Variants in RELCH observed in about 807,000 individuals in gnomAD.
The protein encoded by RELCH is RAB11 binding and LisH domain, coiled-coil and HEAT repeat containing, also known as RAB11-binding protein RELCH.
A neutral mutation model predicts 150.3 loss-of-function variants in RELCH; 41 were observed. The ratio of observed to expected loss-of-function variants is 0.27; its 90% CI spans 0.21 to 0.35. The LOEUF (loss-of-function observed/expected upper bound fraction) is 0.35. Among genes scored for constraint, RELCH ranks in the 10% least tolerant of loss-of-function variants. The pLI is 1.00. For synonymous variants in RELCH, 478 were observed against 531.8 expected (o/e 0.90, Z 1.39); for missense variants, 1,092 against 1,467.8 (o/e 0.74, Z 4.18).
intron 22 of RELCH, 85 bp from the exon 23 acceptor site, chr18:62,279,689 G>T: frequency 2.3e-6 from 2 of 852,846 alleles, no homozygotes; most frequent in Non-Finnish European, 3.7e-6. Flanking sequence ...TCTTTCTCTT[G>T]GTTGTTCCTT....
At chr18:62,200,964 CTTTTTTTT>C (rs543882947) in intron 1 of RELCH, among the ~76,000 whole-genome samples, 5 of 54,988 alleles carry the variant, frequency 9.1e-5, no homozygotes, top group Admixed American at 6.2e-4. Flanking sequence ...TTTTTCTTTG[CTTTTTTTT>C]TTTTTTTTTT....
intron 1 of RELCH, among the ~76,000 whole-genome samples, chr18:62,204,195 CT>C (rs2039636762): frequency 6.6e-6 from 1 of 151,538 alleles, no homozygotes; most frequent in Non-Finnish European, 1.5e-5. Context: ...ATTTATAGTA[CT>C]TTTTTAATAA....
chr18:62,293,549 A>T (rs2045260467), intron 27 of RELCH, among the ~76,000 whole-genome samples: 1 of 152,154 alleles, frequency 6.6e-6, no homozygotes, highest in South Asian at 2.1e-4. Context: ...TGTTCATCAC[A>T]TCTACAGAAT....
chr18:62,307,099 A>C lies in RELCH; in HGVS notation c.*1565A>C, dbSNP rs1055219098. 6.6e-5 allele frequency: 10 copies of C among 152,262 alleles called. No individual in the cohort carries two copies. Among genetic ancestry groups the C allele is most frequent in the African/African-American group, 2.4e-4 (10 of 41,464 alleles). 9.4% of individuals were successfully genotyped at this position (152,262 alleles called of 1,614,324 possible). A position where few individuals can be genotyped will look rare whatever the true frequency, so the allele number is the denominator to read the frequency against. On this transcript the variant is annotated 3_prime_UTR_variant, in exon 29 of 29. Transcript: ENST00000644646. ...CAAAAATGTTGATCTATTATAAATA[A>C]AATGTTTTTGCATATGTTTTTGATT... is the stretch of plus-strand genomic sequence containing the variant.
chr18:62,222,488 A>G (rs1236964846), intron 5 of RELCH, among the ~76,000 whole-genome samples: 1 of 151,920 alleles, frequency 6.6e-6, no homozygotes, highest in Non-Finnish European at 1.5e-5. Context: ...AGAACACAGA[A>G]AAAGAGGAAA....
intron 13 of RELCH, among the ~76,000 whole-genome samples, chr18:62,256,657 A>G (rs1482361067): frequency 3.9e-5 from 6 of 151,998 alleles, no homozygotes; most frequent in Non-Finnish European, 1.5e-5. Flanking sequence ...ATGTCTCTAC[A>G]TTGGCAGTTT....
chr18:62,243,197 A>G (rs1004982190), intron 10 of RELCH, among the ~76,000 whole-genome samples: 2 of 152,098 alleles, frequency 1.3e-5, no homozygotes, highest in Admixed American at 1.3e-4. Flanking sequence ...TATGGAATCA[A>G]CTAAGGATTA....
chr18:62,231,150 G>C, intron 8 of RELCH, 44 bp from the exon 9 acceptor site: 1 of 1,214,822 alleles, frequency 8.2e-7, no homozygotes, highest in Non-Finnish European at 1.2e-6. Context: ...AAATGTCAAT[G>C]GTAATTATTT....
intron 22 of RELCH, among the ~76,000 whole-genome samples, chr18:62,276,541 T>C (rs2044218612): frequency 6.6e-6 from 1 of 152,104 alleles, no homozygotes; most frequent in Non-Finnish European, 1.5e-5. Flanking sequence ...CCAATATTCA[T>C]GTGTTTCTTA....
At chr18:62,289,967 T>A (rs1325434712) in intron 26 of RELCH, among the ~76,000 whole-genome samples, 3 of 152,214 alleles carry the variant, frequency 2.0e-5, no homozygotes. Flanking sequence ...TATATTTTGG[T>A]GCCACTTATC....
intron 5 of RELCH, among the ~76,000 whole-genome samples, chr18:62,224,342 TTAA>T (rs142504395): frequency 0.086 from 13,148 of 152,176 alleles, 653 homozygotes; most frequent in Middle Eastern, 0.17. Context: ...AACATCATTC[TTAA>T]TGATGAAAGA....
intron 25 of RELCH, chr18:62,285,752 C>T (rs1461338016): frequency 1.3e-5 from 2 of 152,180 alleles, no homozygotes; most frequent in African/African-American, 2.4e-5. Context: ...AGCAACAGAG[C>T]AAGACCCCAT....
At chr18:62,252,416 G>A (rs1483201752) in intron 11 of RELCH, among the ~76,000 whole-genome samples, 1 of 152,072 alleles carries the variant, frequency 6.6e-6, no homozygotes, top group East Asian at 1.9e-4. Flanking sequence ...CTACTCGAGA[G>A]GATGAGGTGG....
chr18:62,304,125 G>A (rs546889177), intron 28 of RELCH, among the ~76,000 whole-genome samples: 7 of 152,310 alleles, frequency 4.6e-5, no homozygotes, highest in South Asian at 2.1e-4. Flanking sequence ...AAGTTAGGGC[G>A]TGAACAGAAG....
intron 1 of RELCH, among the ~76,000 whole-genome samples, chr18:62,207,497 C>T (rs1312636946): frequency 6.6e-6 from 1 of 152,086 alleles, no homozygotes; most frequent in African/African-American, 2.4e-5. Flanking sequence ...ATATACTGTC[C>T]TTTCTCTTTA....
chr18:62,261,776 GTAT>G, intron 16 of RELCH, 118 bp downstream of exon 16: 2 of 801,034 alleles, frequency 2.5e-6, no homozygotes, highest in Non-Finnish European at 1.9e-6. Flanking sequence ...TTTTTAAAAT[GTAT>G]TATGTGTGTA....
chr18:62,280,472 A>G (rs780221733), intron 23 of RELCH, 174 bp from the exon 24 acceptor site: 55 of 1,583,198 alleles, frequency 3.5e-5, no homozygotes, highest in Non-Finnish European at 4.5e-5. Flanking sequence ...ACCTTAAGTT[A>G]TCCTGTCTGT....
intron 1 of RELCH, among the ~76,000 whole-genome samples, chr18:62,191,482 G>A (rs913164460): frequency 2.6e-5 from 4 of 152,066 alleles, no homozygotes; most frequent in Non-Finnish European, 5.9e-5. Context: ...GGTGACATAG[G>A]TAGACATGTG....
Position 62,275,485 on chromosome 18 carries a change from C to A in RELCH, c.2967+12C>A. ...CTAGAATGTTTGAGGTATGTCAACA[C>A]ATGCCTCTGTTGGTTTCAATTATAA... is the stretch of plus-strand genomic sequence containing the variant. On this transcript the variant is annotated intron_variant, in intron 22 of 28. Coordinates refer to ENST00000644646, the MANE Select transcript of RELCH (RefSeq NM_001346231.2). The A allele has an allele frequency of 7.4e-6, 11 of 1,487,666 alleles. No homozygotes were observed. Among genetic ancestry groups the A allele is most frequent in the Non-Finnish European group, 9.4e-6 (10 of 1,066,342 alleles). The allele number at this position is 1,487,666 out of a possible 1,614,324, so 92.2% of individuals were successfully genotyped here.
Sources: allele counts gnomAD v4.1 joint callset (sites outside exome capture counted in the v4.1 genomes callset), GRCh38; gene constraint gnomAD v4.1.1; transcripts MANE v1.5; gene names NCBI Gene and HGNC (gene_info 2026-07-23, HGNC 2026-07-21).